ADGRL2: variants seen among roughly 807,000 people sequenced by gnomAD.
The protein encoded by ADGRL2 is calcium-independent alpha-latrotoxin receptor 2.
A neutral mutation model predicts 157.4 loss-of-function variants in ADGRL2; 44 were observed. The observed-to-expected ratio is 0.28, with a 90% CI of 0.22 to 0.36. The LOEUF (loss-of-function observed/expected upper bound fraction) is 0.36. Ranked by LOEUF, ADGRL2 falls within the 10% of genes least tolerant of loss-of-function variation. The pLI, the probability that ADGRL2 is intolerant of heterozygous loss-of-function variation, is 1.00. For missense variants in ADGRL2, 1,510 were observed against 1,768.9 expected (o/e 0.85, Z 2.63); for synonymous variants, 585 against 624.7 (o/e 0.94, Z 0.95).
intron 2 of ADGRL2, among the ~76,000 whole-genome samples, chr1:81,453,141 T>G (rs75275620): frequency 1.0e-3 from 157 of 152,328 alleles, no homozygotes; most frequent in African/African-American, 3.7e-3. Flanking sequence ...GCTCTCTTAT[T>G]GTTATGTGAT....
chr1:81,828,461 G>C (rs1402469021), intron 1 of ADGRL2, among the ~76,000 whole-genome samples: 3 of 151,946 alleles, frequency 2.0e-5, no homozygotes, highest in Non-Finnish European at 1.5e-5. Context: ...GCAATAATAA[G>C]TGATATTTTT....
intron 2 of ADGRL2, among the ~76,000 whole-genome samples, chr1:81,457,538 G>T (rs1466312674): frequency 1.3e-5 from 2 of 152,006 alleles, no homozygotes; most frequent in East Asian, 3.9e-4. Flanking sequence ...AACAGTATTT[G>T]ATTATTGACT....
chr1:81,571,175 A>G (rs2080680588), intron 2 of ADGRL2, among the ~76,000 whole-genome samples: 1 of 151,700 alleles, frequency 6.6e-6, no homozygotes, highest in South Asian at 2.1e-4. Context: ...AAATACAAAA[A>G]TTAGCTGGGC....
chr1:81,607,113 T>C (rs1342422213), intron 3 of ADGRL2, among the ~76,000 whole-genome samples: 1 of 152,186 alleles, frequency 6.6e-6, no homozygotes, highest in Non-Finnish European at 1.5e-5. Flanking sequence ...TATAATACCC[T>C]GGACTCAATC....
intron 2 of ADGRL2, among the ~76,000 whole-genome samples, chr1:81,866,817 A>G (rs994127703): frequency 2.6e-5 from 4 of 152,120 alleles, no homozygotes; most frequent in African/African-American, 9.7e-5. Flanking sequence ...TTCATTGTAT[A>G]TCTTACCCCA....
chr1:81,819,605 A>G (rs1397829815), intron 1 of ADGRL2, among the ~76,000 whole-genome samples: 1 of 152,176 alleles, frequency 6.6e-6, no homozygotes, highest in East Asian at 1.9e-4. Flanking sequence ...ACATAAAGTG[A>G]AAATTTTTAT....
At chr1:81,406,437 G>C (rs1202706694) in intron 1 of ADGRL2, among the ~76,000 whole-genome samples, 1 of 152,120 alleles carries the variant, frequency 6.6e-6, no homozygotes, top group Non-Finnish European at 1.5e-5. Flanking sequence ...TTCCTAAATA[G>C]TAACATCTGG....
intron 2 of ADGRL2, among the ~76,000 whole-genome samples, chr1:81,528,966 G>T (rs1157123619): frequency 6.6e-6 from 1 of 152,208 alleles, no homozygotes; most frequent in African/African-American, 2.4e-5. Context: ...AGAGGGCGAT[G>T]AATAAGATTT....
chr1:81,890,613 G>A (rs926773105), intron 2 of ADGRL2, among the ~76,000 whole-genome samples: 89 of 152,170 alleles, frequency 5.8e-4, no homozygotes, highest in African/African-American at 2.0e-3. Context: ...GCAATATATA[G>A]GAATATTTTG....
chr1:81,887,400 GT>G (rs564815534), intron 2 of ADGRL2, among the ~76,000 whole-genome samples: 273 of 152,256 alleles, frequency 1.8e-3, no homozygotes, highest in Non-Finnish European at 3.2e-3. Flanking sequence ...CCCATTATCA[GT>G]TTGTAAGCAC....
intron 1 of ADGRL2, among the ~76,000 whole-genome samples, chr1:81,732,620 C>T (rs2084763066): frequency 6.6e-6 from 1 of 152,056 alleles, no homozygotes; most frequent in African/African-American, 2.4e-5. Context: ...AAATCATAAA[C>T]TAGTTTAAGA....
chr1:81,459,865 A>G (rs2077889922), intron 2 of ADGRL2, among the ~76,000 whole-genome samples: 1 of 151,134 alleles, frequency 6.6e-6, no homozygotes, highest in Non-Finnish European at 1.5e-5. Context: ...AAGTAGCAGG[A>G]TTGCTGGATC....
chr1:81,649,299 T>G (rs946910495), intron 3 of ADGRL2, among the ~76,000 whole-genome samples: 15 of 152,208 alleles, frequency 9.9e-5, no homozygotes, highest in African/African-American at 2.9e-4. Context: ...GCAGGAGATC[T>G]TAAGTGAGAT....
chr1:81,757,661 G>T (rs1256846514), intron 1 of ADGRL2, among the ~76,000 whole-genome samples: 1 of 152,162 alleles, frequency 6.6e-6, no homozygotes, highest in Non-Finnish European at 1.5e-5. Flanking sequence ...GAATCTAGGG[G>T]CTGCCCGAAT....
In ADGRL2 at chr1:81,399,441, C is replaced by T. The variant is rs77613613; in HGVS notation, c.-301-45595C>T. ...TAAATAGTTGTTCACTTAGTGGTAT[C>T]GCATAAGTCTTGTGGGCTTTCTTCA... On this transcript the variant is annotated intron_variant, in intron 1 of 24. Transcript: ENST00000370721. 4.3e-3 allele frequency among the ~76,000 whole-genome samples: 651 copies of T among 152,204 alleles called. 2 individuals are homozygous for T. Among genetic ancestry groups the T allele is most frequent in the Middle Eastern group, 0.014 (4 of 294 alleles).
chr1:81,584,479 A>G (rs1441886750), intron 3 of ADGRL2, among the ~76,000 whole-genome samples: 2 of 152,084 alleles, frequency 1.3e-5, no homozygotes, highest in African/African-American at 4.8e-5. Context: ...CTGCAGCTGT[A>G]TTTTGTTGGA....
chr1:81,387,847 T>A (rs541742258), intron 1 of ADGRL2, among the ~76,000 whole-genome samples: 1 of 152,254 alleles, frequency 6.6e-6, no homozygotes, highest in East Asian at 1.9e-4. Context: ...TGTCTAATCC[T>A]CTCTCAACTC....
chr1:81,485,868 G>A (rs1336966100), intron 2 of ADGRL2, among the ~76,000 whole-genome samples: 1 of 151,930 alleles, frequency 6.6e-6, no homozygotes, highest in Non-Finnish European at 1.5e-5. Context: ...GAGGATCAAA[G>A]ACCATCAGCA....
At chr1:81,771,089 G>A (rs2086350972) in intron 2 of ADGRL2, among the ~76,000 whole-genome samples, 1 of 152,060 alleles carries the variant, frequency 6.6e-6, no homozygotes, top group African/African-American at 2.4e-5. Flanking sequence ...GTCCAGTATT[G>A]TATAGAGATG....
Sources: gnomAD v4.1 joint callset for allele counts (sites outside exome capture counted in the v4.1 genomes callset) on GRCh38, gnomAD v4.1.1 for gene constraint, MANE v1.5 for transcripts, NCBI Gene and HGNC (gene_info 2026-07-23, HGNC 2026-07-21) for gene names.